TUBGCP6: variants seen among roughly 807,000 people sequenced by gnomAD.
The protein encoded by TUBGCP6 is gamma-tubulin complex component 6.
TUBGCP6 carries 161 observed loss-of-function variants against 175.8 expected under a neutral mutation model. The ratio of observed to expected loss-of-function variants is 0.92; its 90% CI spans 0.81 to 1.04. The LOEUF is 1.04. Among genes scored for constraint, TUBGCP6 ranks in the 50% least tolerant of loss-of-function variants. The pLI is 0.00. For missense variants in TUBGCP6, 2,572 were observed against 2,433.0 expected (o/e 1.06, Z -1.20); for synonymous variants, 1,173 against 1,030.5 (o/e 1.14, Z -2.65).
At chr22:50,224,311 G>A (rs758589964) in intron 12 of TUBGCP6, 21 bp downstream of exon 12, 24 of 1,614,042 alleles carry the variant, frequency 1.5e-5, no homozygotes, top group South Asian at 3.3e-5. Context: ...GCGTGACCCC[G>A]CAGGGACAGG....
Position 50,220,465 on chromosome 22 carries a change from A to G in TUBGCP6, c.3894T>C (p.Pro1298=), listed in dbSNP as rs777125858. 1.2e-6 allele frequency: 2 copies of G among 1,613,038 alleles called. No homozygotes were observed. Among genetic ancestry groups the G allele is most frequent in the Non-Finnish European group, 8.5e-7 (1 of 1,179,906 alleles). The change falls in exon 16 of 25, where the codon CCT becomes CCC. Residue 1298 remains proline (P), a synonymous_variant. Coordinates refer to ENST00000248846, the MANE Select transcript of TUBGCP6 (RefSeq NM_020461.4). ...TGAGCGCTGACTGGGACGTGTGGCC[A>G]GGGGGGCTCTGTTGGGGCCTGGGTG... ...PNTPRPQQSP[P]GHTSQSALSL...
intron 2 of TUBGCP6, among the ~76,000 whole-genome samples, chr22:50,236,555 T>C (rs2064780467): frequency 6.6e-6 from 1 of 152,156 alleles, no homozygotes; most frequent in South Asian, 2.1e-4. Context: ...CCACATGTAC[T>C]GGCACTACAC....
At chr22:50,238,544 G>GT (rs200713867) in intron 2 of TUBGCP6, among the ~76,000 whole-genome samples, 187 of 125,518 alleles carry the variant, frequency 1.5e-3, no homozygotes, top group Admixed American at 2.6e-3. Context: ...TTTTTTTTTT[G>GT]TTTTTTTTTT....
rs755287100 is a variant in TUBGCP6 at position 50,221,362 on chromosome 22, C to T, written c.2997G>A (p.Ser999=). ...CGKMDACGSA[S]RETLLPSHPP... is the part of the protein sequence containing the mutation. ...GGTGTGAGGGGAGCAGAGTCTCCCG[C>T]GAGGCGGAGCCACAGGCATCCATCT... Residue 999 remains serine, a synonymous_variant, in exon 16 of 25, where the codon TCG becomes TCA. Coordinates refer to ENST00000248846, the MANE Select transcript of TUBGCP6 (RefSeq NM_020461.4). 91 of 1,611,282 alleles carry T rather than the reference C, an allele frequency of 5.6e-5. No individual in the cohort carries two copies. Among genetic ancestry groups the T allele is most frequent in the Admixed American group, 1.8e-4 (11 of 59,998 alleles).
chr22:50,219,143 A>G lies in TUBGCP6; in HGVS notation c.4551T>C (p.Tyr1517=). Residue 1517 remains tyrosine, a synonymous_variant, in exon 20 of 25, where the codon TAT becomes TAC. Coordinates refer to ENST00000248846, the MANE Select transcript of TUBGCP6 (RefSeq NM_020461.4). ...TCAGCAGGAAGTGCCGCAGTGCCTCATAGTGCGCCTCCAGGTGCAGCTCCA... is the reference window on the plus strand; with the variant it reads ...TCAGCAGGAAGTGCCGCAGTGCCTCGTAGTGCGCCTCCAGGTGCAGCTCCA... ...FFVELHLEAH[Y]EALRHFLLME... 6.2e-7 allele frequency: 1 copy of G among 1,613,120 alleles called. No individual in the cohort carries two copies. Among genetic ancestry groups the G allele is most frequent in the East Asian group, 2.2e-5 (1 of 44,880 alleles).
rs1299259493 is a variant in TUBGCP6, at chr22:50,220,805, C to T, written c.3554G>A (p.Trp1185Ter). ...VSDMAPARPR[W>*]NTHGHVSDAS... ...ATCAGACACGTGTCCATGGGTGTTC[C>T]ACCGTGGCCGGGCGGGAGCCATGTC... The change falls in exon 16 of 25, where the codon TGG becomes TAG. Residue 1185 changes from tryptophan (W) to a stop codon, truncating the protein, a stop_gained. Coordinates refer to ENST00000248846, the MANE Select transcript of TUBGCP6 (RefSeq NM_020461.4). LOFTEE classifies it high-confidence loss of function. 2.5e-6 allele frequency: 4 copies of T among 1,601,988 alleles called. No homozygotes were observed. The highest frequency in any genetic ancestry group is 1.4e-5 in the African/African-American group (1 of 73,774).
chr22:50,222,598 G>A lies in TUBGCP6; in HGVS notation c.2271-6C>T, dbSNP rs909938063. 9.9e-6 allele frequency: 16 copies of A among 1,610,162 alleles called. No homozygotes were observed. The African/African-American group carries it at 2.0e-4, about 20-fold the overall frequency. ...AGTGGTCGACCAGTGCCTGCCTGAA[G>A]CCACACACCAGAGAGGACACGGCCA... On this transcript the variant is annotated splice_region_variant and splice_polypyrimidine_tract_variant and intron_variant, in intron 13 of 24. Coordinates refer to ENST00000248846, the MANE Select transcript of TUBGCP6 (RefSeq NM_020461.4).
rs35974874 is a variant in TUBGCP6 at position 50,244,337 on chromosome 22, G to C, written c.123C>G (p.Ala41=). 4.0e-4 allele frequency: 652 copies of C among 1,613,576 alleles called. No individual in the cohort carries two copies. The highest frequency in any genetic ancestry group is 5.3e-4 in the Non-Finnish European group (627 of 1,180,040). The change falls in exon 1 of 25, where the codon GCC becomes GCG. Residue 41 remains alanine (A), a synonymous_variant. Coordinates refer to ENST00000248846, the MANE Select transcript of TUBGCP6 (RefSeq NM_020461.4). ...KRAKRSLKKV[A]YNALFTNLFQ... ...AAAGATTTGTGAAAAGAGCATTGTA[G>C]GCCACCTTCTTGAGGCTCCGCTTTG...
rs984934153 is a variant in TUBGCP6 at position 50,242,014 on chromosome 22, A to C, written c.742-1647T>G. Among the ~76,000 whole-genome samples the C allele has an allele frequency of 4.0e-5, 6 of 148,450 alleles. No individual in the cohort carries two copies. The East Asian group carries it at 1.0e-3, about 25-fold the overall frequency. ...AAAAAAAAAAAAAAAAAAAAAGAAC[A>C]ATCAGGCCGGGCTCACGCCTGTAAT... On this transcript the variant is annotated intron_variant, in intron 1 of 24. Transcript: ENST00000248846.
In TUBGCP6 at chr22:50,220,627, G is replaced by A. The variant is rs140699312; in HGVS notation, c.3732C>T (p.His1244=). ...PIRSRCNTHG[H]VSDASISLGE... is the part of the protein sequence containing the mutation. ...CCAAGCTGATGCTGGCGTCGGACACGTGTCCATGGGTGTTGCACCGTGACC... is the reference window on the plus strand; with the variant it reads ...CCAAGCTGATGCTGGCGTCGGACACATGTCCATGGGTGTTGCACCGTGACC... Residue 1244 remains histidine (H), a synonymous_variant, in exon 16 of 25, where the codon CAC becomes CAT. Coordinates refer to ENST00000248846, the MANE Select transcript of TUBGCP6 (RefSeq NM_020461.4). 6,214 of 1,612,090 alleles carry A rather than the reference G, an allele frequency of 3.9e-3. 16 individuals are homozygous for A. The highest frequency in any genetic ancestry group is 4.9e-3 in the Non-Finnish European group (5,734 of 1,179,742).
chr22:50,224,478 G>C (rs987484950), intron 11 of TUBGCP6, 33 bp downstream of exon 11: 1 of 1,614,146 alleles, frequency 6.2e-7, no homozygotes, highest in Admixed American at 1.7e-5. Context: ...AGGCCCCCCG[G>C]AACTGCAGAA....
At chr22:50,219,034 C>A in intron 20 of TUBGCP6, 34 bp downstream of exon 20, 1 of 1,609,778 alleles carries the variant, frequency 6.2e-7, no homozygotes. Context: ...GGCCTCCCCT[C>A]TACCACTGGC....
At chr22:50,232,373 AAAAAG>A (rs1163677561) in intron 3 of TUBGCP6, among the ~76,000 whole-genome samples, 1,421 of 14,760 alleles carry the variant, frequency 0.096, 22 homozygotes, top group African/African-American at 0.27. Context: ...CTCAAAAAAA[AAAAAG>A]AAAAAGAAAA....
chr22:50,218,831 C>T lies in TUBGCP6; in HGVS notation c.4693G>A (p.Ala1565Thr), dbSNP rs1417782273. 3 of 1,614,092 alleles carry T rather than the reference C, an allele frequency of 1.9e-6. No homozygotes were observed. Among genetic ancestry groups the T allele is most frequent in the Non-Finnish European group, 2.5e-6 (3 of 1,180,010 alleles). Residue 1565 changes from alanine to threonine, a missense_variant, in exon 21 of 25, where the codon GCC (alanine) becomes ACC (threonine). Physicochemically the swap from Ala to Thr is moderately conservative, Grantham distance 58. Coordinates refer to ENST00000248846, the MANE Select transcript of TUBGCP6 (RefSeq NM_020461.4). ...TCCCCATGCAGGCTGCACTGCAGGG[C>T]CTTGCTCAGCACAGAGTTCAGCACC... ...PLVLNSVLSK[A>T]LQCSLHGDTP...
intron 2 of TUBGCP6, among the ~76,000 whole-genome samples, chr22:50,236,487 C>CCCAG (rs919175058): frequency 2.0e-4 from 31 of 152,308 alleles, no homozygotes; most frequent in Non-Finnish European, 2.2e-4. Flanking sequence ...GTACAGGCAG[C>CCCAG]CCTGGGCACA....
intron 1 of TUBGCP6, among the ~76,000 whole-genome samples, chr22:50,243,401 C>A (rs1162854080): frequency 6.7e-6 from 1 of 149,774 alleles, no homozygotes; most frequent in South Asian, 2.1e-4. Flanking sequence ...TACAGTGAGC[C>A]GAGATCGCGC....
Position 50,220,376 on chromosome 22 carries a change from G to A in TUBGCP6, c.3983C>T (p.Ser1328Phe). 6.4e-7 allele frequency: 1 copy of A among 1,568,966 alleles called. No homozygotes were observed. Reference sequence around the variant, plus strand: ...GCAGCCCGAGCTGGGGGAGGACAGAGATGGCCCCACTTCTACAGGCAGCCG... The same window carrying A: ...GCAGCCCGAGCTGGGGGAGGACAGAAATGGCCCCACTTCTACAGGCAGCCG... ...GPRLPVEVGPSLSSPSSGCGE... is the reference protein window; with the variant it reads ...GPRLPVEVGPFLSSPSSGCGE... The change falls in exon 16 of 25, where the codon TCT (serine) becomes TTT (phenylalanine). Residue 1328 changes from serine to phenylalanine, a missense_variant. Ser to Phe is a radical substitution (Grantham distance 155, BLOSUM62 -2). Coordinates refer to ENST00000248846, the MANE Select transcript of TUBGCP6 (RefSeq NM_020461.4).
Position 50,218,131 on chromosome 22 carries a change from G to T in TUBGCP6, c.5169-14C>A. 1 of 1,611,106 alleles carries T rather than the reference G, an allele frequency of 6.2e-7. No homozygotes were observed. ...GTGAGCAGGCCCCTGGGGGGAAGCA[G>T]TGCTGCTGGGTGGGCTGAGCCGTGA... On this transcript the variant is annotated splice_polypyrimidine_tract_variant and intron_variant, in intron 23 of 24. Coordinates refer to ENST00000248846, the MANE Select transcript of TUBGCP6 (RefSeq NM_020461.4).
At chr22:50,229,078 T>C (rs2064655735) in intron 4 of TUBGCP6, among the ~76,000 whole-genome samples, 1 of 152,120 alleles carries the variant, frequency 6.6e-6, no homozygotes, top group Admixed American at 6.5e-5. Context: ...ATCCACAATG[T>C]GCCGGGCCCA....
Sources: gnomAD v4.1 joint callset for allele counts (sites outside exome capture counted in the v4.1 genomes callset) on GRCh38, gnomAD v4.1.1 for gene constraint, MANE v1.5 for transcripts, NCBI Gene and HGNC (gene_info 2026-07-23, HGNC 2026-07-21) for gene names.